The following JMJD1C variants were observed in gnomAD, a reference collection of about 807,000 sequenced individuals.
JMJD1C encodes jumonji domain containing 1C.
A neutral mutation model predicts 245.3 loss-of-function variants in JMJD1C; 31 were observed. That is an observed-to-expected ratio of 0.13 (90% CI 0.09 to 0.17). The LOEUF is 0.17. Ranked by LOEUF, JMJD1C falls within the 10% of genes least tolerant of loss-of-function variation. The pLI is 1.00. For synonymous variants in JMJD1C, 1,057 were observed against 1,017.4 expected (o/e 1.04, Z -0.74); for missense variants, 2,691 against 3,000.2 (o/e 0.90, Z 2.41).
At chr10:63,253,942 G>C (rs1478356830) in intron 3 of JMJD1C, among the ~76,000 whole-genome samples, 1 of 151,998 alleles carries the variant, frequency 6.6e-6, no homozygotes, top group Admixed American at 6.6e-5. Flanking sequence ...GTTCTTTGAA[G>C]GTATTTGTAG....
chr10:63,476,177 T>A lies in JMJD1C; in HGVS notation n.113+45561A>T, dbSNP rs143578417. On this transcript the variant is annotated intron_variant and non_coding_transcript_variant, in intron 1 of 3. Coordinates refer to the JMJD1C transcript ENST00000633035. ...GTGAGCCGAGATTGCACCACCGCAC[T>A]CCAGCCTGGGCGACAGAATGAGATT... Among the ~76,000 whole-genome samples the A allele has an allele frequency of 1.8e-4, 28 of 151,480 alleles. No homozygotes were observed. The East Asian group carries it at 4.6e-3, about 25-fold the overall frequency.
intron 2 of JMJD1C, among the ~76,000 whole-genome samples, chr10:63,284,753 T>C (rs757456969): frequency 2.0e-5 from 3 of 151,966 alleles, no homozygotes; most frequent in Non-Finnish European, 4.4e-5. Flanking sequence ...ATTTACCCAA[T>C]TATTACAGTT....
chr10:63,425,009 A>G (rs566756947), intron 1 of JMJD1C, among the ~76,000 whole-genome samples: 56 of 152,292 alleles, frequency 3.7e-4, no homozygotes, highest in African/African-American at 1.2e-3. Flanking sequence ...CAGCTTGAAA[A>G]TATCTTTCCA....
At chr10:63,191,206 A>ACTGCAACCTCTGCCTCC in intron 16 of JMJD1C, 98 bp from the exon 17 acceptor site, 1 of 848,314 alleles carries the variant, frequency 1.2e-6, no homozygotes. Flanking sequence ...ACCTCGGCTC[A>ACTGCAACCTCTGCCTCC]CTGCAACCTC....
chr10:63,427,324 G>A (rs965565197), intron 1 of JMJD1C: 24 of 1,022,018 alleles, frequency 2.3e-5, no homozygotes, highest in African/African-American at 1.4e-4. Flanking sequence ...GGGCCAGGGC[G>A]TGCTCCAGAG....
intron 2 of JMJD1C, among the ~76,000 whole-genome samples, chr10:63,349,730 T>C (rs775765012): frequency 6.6e-6 from 1 of 152,092 alleles, no homozygotes. Context: ...GGGAAAAGTA[T>C]GAATAAAAGA....
chr10:63,271,902 C>G (rs1236999975), intron 2 of JMJD1C, among the ~76,000 whole-genome samples: 1 of 151,896 alleles, frequency 6.6e-6, no homozygotes, highest in Non-Finnish European at 1.5e-5. Flanking sequence ...TGGCAAACCC[C>G]GTTTGTACTA....
intron 2 of JMJD1C, among the ~76,000 whole-genome samples, chr10:63,379,918 C>A (rs1947072259): frequency 6.6e-6 from 1 of 151,716 alleles, no homozygotes; most frequent in Non-Finnish European, 1.5e-5. Flanking sequence ...CTATTTAATT[C>A]TTAGTCTTAA....
intron 2 of JMJD1C, among the ~76,000 whole-genome samples, chr10:63,370,224 T>G (rs778142610): frequency 3.3e-5 from 5 of 152,228 alleles, no homozygotes; most frequent in Non-Finnish European, 1.5e-5. Flanking sequence ...GTAACAGCTC[T>G]CAATGAGTTA....
At chr10:63,443,172 C>T (rs186809507) in intron 1 of JMJD1C, among the ~76,000 whole-genome samples, 42 of 152,272 alleles carry the variant, frequency 2.8e-4, no homozygotes, top group Admixed American at 1.7e-3. Flanking sequence ...GGATACAACC[C>T]AAGAACCACC....
Position 63,327,486 on chromosome 10 carries a change from G to A in JMJD1C, c.333+52832C>T, listed in dbSNP as rs1941653070. On this transcript the variant is annotated intron_variant, in intron 2 of 25. Transcript: ENST00000399262. The stretch of plus-strand genomic sequence containing the variant: ...TAGTGCTGGCAGAAGAATAAATTTG[G>A]GCTAGATATACACCTTCCAGTTACA... Among the ~76,000 whole-genome samples the A allele has an allele frequency of 2.6e-5, 4 of 151,976 alleles. No individual in the cohort carries two copies. The South Asian group carries it at 8.3e-4, about 32-fold the overall frequency.
chr10:63,305,478 C>A (rs1938003368), intron 2 of JMJD1C, among the ~76,000 whole-genome samples: 1 of 146,996 alleles, frequency 6.8e-6, no homozygotes, highest in Admixed American at 6.9e-5. Flanking sequence ...CTCTCTCTCT[C>A]TCTCTCTCTC....
chr10:63,252,093 AG>A (rs1481137146), intron 3 of JMJD1C, among the ~76,000 whole-genome samples: 2 of 152,204 alleles, frequency 1.3e-5, no homozygotes, highest in Admixed American at 1.3e-4. Context: ...AAAGGCTGAA[AG>A]GGGATGGGAA....
At chr10:63,340,586 T>C (rs893890513) in intron 2 of JMJD1C, among the ~76,000 whole-genome samples, 2 of 152,212 alleles carry the variant, frequency 1.3e-5, no homozygotes, top group African/African-American at 4.8e-5. Context: ...GCAGTGTAAC[T>C]GTAACATGTC....
chr10:63,257,478 C>T (rs1854128348), intron 3 of JMJD1C, among the ~76,000 whole-genome samples: 1 of 152,118 alleles, frequency 6.6e-6, no homozygotes, highest in South Asian at 2.1e-4. Flanking sequence ...TCACCTTTAA[C>T]AAGTTCACAG....
chr10:63,392,527 AT>A (rs1473218901), intron 1 of JMJD1C, among the ~76,000 whole-genome samples: 1 of 152,040 alleles, frequency 6.6e-6, no homozygotes, highest in Non-Finnish European at 1.5e-5. Flanking sequence ...AAAAAATCCC[AT>A]TAAAAAGTGG....
intron 2 of JMJD1C, among the ~76,000 whole-genome samples, chr10:63,373,507 G>C (rs146406471): frequency 6.6e-6 from 1 of 152,116 alleles, no homozygotes; most frequent in East Asian, 1.9e-4. Flanking sequence ...TAATTTCTAG[G>C]TATAAGAGGT....
At chr10:63,262,183 T>C (rs1182900148) in intron 3 of JMJD1C, among the ~76,000 whole-genome samples, 1 of 152,200 alleles carries the variant, frequency 6.6e-6, no homozygotes, top group African/African-American at 2.4e-5. Flanking sequence ...TTTATGCCAG[T>C]AACAGCTGCC....
chr10:63,347,189 C>T (rs1943905017), intron 2 of JMJD1C, among the ~76,000 whole-genome samples: 1 of 151,748 alleles, frequency 6.6e-6, no homozygotes, highest in Non-Finnish European at 1.5e-5. Context: ...CTGTCTCAGC[C>T]TCCCAAGTAG....
Sources: allele counts gnomAD v4.1 joint callset (sites outside exome capture counted in the v4.1 genomes callset), GRCh38; gene constraint gnomAD v4.1.1; transcripts MANE v1.5; gene names NCBI Gene and HGNC (gene_info 2026-07-23, HGNC 2026-07-21).